Variants in FAM124A observed in about 807,000 individuals in gnomAD.
FAM124A encodes the protein protein FAM124A.
In FAM124A, 23 loss-of-function variants were observed where a neutral mutation model predicts 24.5. That is an observed-to-expected ratio of 0.94 (90% CI 0.68 to 1.33). The LOEUF (loss-of-function observed/expected upper bound fraction) is 1.33. FAM124A is among the 40% of genes most tolerant of loss of function. The pLI is 0.00. For missense variants in FAM124A, 623 were observed against 722.8 expected (o/e 0.86, Z 1.58); for synonymous variants, 287 against 314.7 (o/e 0.91, Z 0.93).
Position 51,281,400 on chromosome 13 carries a change from A to G in FAM124A, c.*144A>G, listed in dbSNP as rs893430357. ...GCACATTTGCCTACCACCCACTCTT[A>G]GCTGGGGGGTGGTATATCTCTAGAG... On this transcript the variant is annotated 3_prime_UTR_variant, in exon 4 of 4. Transcript: ENST00000322475. The G allele has an allele frequency of 8.3e-6, 6 of 720,306 alleles. No individual in the cohort carries two copies. Among genetic ancestry groups the G allele is most frequent in the Non-Finnish European group, 1.3e-5 (6 of 463,094 alleles). The allele number at this position is 720,306 out of a possible 1,614,324, so 44.6% of individuals were successfully genotyped here. A position where few individuals can be genotyped will look rare whatever the true frequency, so the allele number is the denominator to read the frequency against.
chr13:51,273,994 A>C (rs1250865728), intron 3 of FAM124A, among the ~76,000 whole-genome samples: 1 of 152,240 alleles, frequency 6.6e-6, no homozygotes, highest in African/African-American at 2.4e-5. Flanking sequence ...ACTTATACAA[A>C]GAGAAAGCTT....
intron 3 of FAM124A, chr13:51,253,362 A>G (rs1052478712): frequency 6.6e-6 from 1 of 152,236 alleles, no homozygotes; most frequent in Non-Finnish European, 1.5e-5. Context: ...CAGAAAGGTC[A>G]CCTTGAGATA....
At chr13:51,225,499 C>T (rs9535619) in intron 1 of FAM124A, 48,823 of 152,060 alleles carry the variant, frequency 0.32, 9,172 homozygotes, top group Non-Finnish European at 0.42. Context: ...TATATTTAAA[C>T]GCCCAGTCAA....
intron 3 of FAM124A, among the ~76,000 whole-genome samples, chr13:51,279,293 C>T (rs1463611176): frequency 6.6e-6 from 1 of 152,184 alleles, no homozygotes; most frequent in Non-Finnish European, 1.5e-5. Flanking sequence ...CCAGCTGTGA[C>T]ACCTCTTAGG....
rs775794907 is a variant in FAM124A, at chr13:51,280,448, A to G, written c.835-2A>G. 6.3e-7 allele frequency: 1 copy of G among 1,583,874 alleles called. No individual in the cohort carries two copies. Among genetic ancestry groups the G allele is most frequent in the Admixed American group, 1.8e-5 (1 of 56,380 alleles). ...TAATGTGATCTGCCTCTCCCCCCACAGGCACAAAGGGTGCATAAGAAGTTT... is the reference window on the plus strand; with the variant it reads ...TAATGTGATCTGCCTCTCCCCCCACGGGCACAAAGGGTGCATAAGAAGTTT... On this transcript the variant is annotated splice_acceptor_variant, in intron 3 of 3. Transcript: ENST00000322475. LOFTEE classifies it high-confidence loss of function.
chr13:51,227,139 T>G (rs1007092191), intron 1 of FAM124A: 2 of 152,244 alleles, frequency 1.3e-5, no homozygotes, highest in African/African-American at 4.8e-5. Flanking sequence ...TTCAAACTCA[T>G]CACAATAGAT....
At position 51,273,494 on chromosome 13, in the gene FAM124A, A is replaced by G. The variant is rs78557350; in HGVS notation, c.835-6956A>G. Among the ~76,000 whole-genome samples, 585 of 152,302 alleles carry G rather than the reference A, an allele frequency of 3.8e-3. 2 individuals carry two copies. Among genetic ancestry groups the G allele is most frequent in the African/African-American group, 0.013 (558 of 41,562 alleles). ...TGCTATGTTGCCCAGGCCGGTCTCAAACTCCTGAGCTTAAGCGATCCTTCC... is the reference window on the plus strand; with the variant it reads ...TGCTATGTTGCCCAGGCCGGTCTCAGACTCCTGAGCTTAAGCGATCCTTCC... On this transcript the variant is annotated intron_variant, in intron 3 of 3. Coordinates refer to ENST00000322475, the MANE Select transcript of FAM124A (RefSeq NM_001242312.2).
intron 3 of FAM124A, among the ~76,000 whole-genome samples, chr13:51,279,629 A>G (rs1404934072): frequency 6.6e-6 from 1 of 152,130 alleles, no homozygotes; most frequent in East Asian, 1.9e-4. Context: ...AGTTCTGCAC[A>G]ACAGAAACGG....
chr13:51,249,270 T>C lies in FAM124A; in HGVS notation c.101-2198T>C, dbSNP rs59987540. On this transcript the variant is annotated intron_variant, in intron 2 of 3. Coordinates refer to ENST00000322475, the MANE Select transcript of FAM124A (RefSeq NM_001242312.2). Reference sequence around the variant, plus strand: ...GCAGAGCCCTCCTTCTTTTGTCATATGTAGTAAGTTGGAATTGCTCTATGC... The same window carrying C: ...GCAGAGCCCTCCTTCTTTTGTCATACGTAGTAAGTTGGAATTGCTCTATGC... Among the ~76,000 whole-genome samples, 436 of 152,348 alleles carry C rather than the reference T, an allele frequency of 2.9e-3. 4 individuals carry two copies. The highest frequency in any genetic ancestry group is 0.01 in the African/African-American group (426 of 41,586).
chr13:51,281,045 G>A lies in FAM124A; in HGVS notation c.1430G>A (p.Trp477Ter), dbSNP rs1954931863. 1.2e-6 allele frequency: 2 copies of A among 1,614,060 alleles called. No individual in the cohort carries two copies. The highest frequency in any genetic ancestry group is 2.7e-5 in the African/African-American group (2 of 75,004). ...AGCAGGGTGACCACAGAGGCCTCCTGGGCTTCCCTCCCTTTCTTCACCAAA... is the reference window on the plus strand; with the variant it reads ...AGCAGGGTGACCACAGAGGCCTCCTAGGCTTCCCTCCCTTTCTTCACCAAA... ...TVSRVTTEASWASLPFFTKRS... is the reference protein window; with the variant it reads ...TVSRVTTEAS Residue 477 changes from tryptophan to a stop codon, truncating the protein, a stop_gained, in exon 4 of 4, where the codon TGG becomes TAG. Coordinates refer to ENST00000322475, the MANE Select transcript of FAM124A (RefSeq NM_001242312.2). LOFTEE classifies it low-confidence loss of function (END_TRUNC).
intron 1 of FAM124A, among the ~76,000 whole-genome samples, chr13:51,228,901 G>A (rs543743823): frequency 5.3e-5 from 8 of 152,150 alleles, no homozygotes; most frequent in Admixed American, 1.3e-4. Context: ...CCTCATTGCC[G>A]TGTGTTTTGT....
chr13:51,249,073 C>T (rs3990078), intron 2 of FAM124A, among the ~76,000 whole-genome samples: 126,225 of 152,092 alleles, frequency 0.83, 52,755 homozygotes, highest in South Asian at 0.9. Context: ...TTGCCATGTC[C>T]CAGAATTCCC....
At chr13:51,268,420 G>A (rs867546601) in intron 3 of FAM124A, among the ~76,000 whole-genome samples, 7 of 152,174 alleles carry the variant, frequency 4.6e-5, no homozygotes, top group East Asian at 1.9e-4. Context: ...AACAAAAAGC[G>A]TCTTTTATCT....
At chr13:51,224,567 C>G (rs187659695) in intron 1 of FAM124A, among the ~76,000 whole-genome samples, 6 of 152,284 alleles carry the variant, frequency 3.9e-5, no homozygotes, top group African/African-American at 1.4e-4. Context: ...TTGTGTTTGC[C>G]ATATATTCAC....
chr13:51,252,309 T>C, intron 3 of FAM124A, 108 bp downstream of exon 3: 76 of 1,379,262 alleles, frequency 5.5e-5, no homozygotes, highest in Middle Eastern at 1.9e-4. Context: ...GAAGGAGAGA[T>C]CAGTGACCCT....
At chr13:51,240,283 C>T (rs1231484192) in intron 2 of FAM124A, among the ~76,000 whole-genome samples, 2 of 152,202 alleles carry the variant, frequency 1.3e-5, no homozygotes, top group East Asian at 1.9e-4. Context: ...CTATTTTGCA[C>T]ATCACCTGAT....
Position 51,242,870 on chromosome 13 carries a change from C to T in FAM124A, c.101-8598C>T, listed in dbSNP as rs202107407. On this transcript the variant is annotated intron_variant, in intron 2 of 3. Coordinates refer to ENST00000322475, the MANE Select transcript of FAM124A (RefSeq NM_001242312.2). ...GCAAATCATAAAAAAAATGAGAGGG[C>T]GGTCGAATAACTGTTATAGCAAAGC... Among the ~76,000 whole-genome samples, 39 of 152,160 alleles carry T rather than the reference C, an allele frequency of 2.6e-4. 1 individual carries two copies. The highest frequency in any genetic ancestry group is 1.2e-3 in the East Asian group (6 of 5,186).
In FAM124A at chr13:51,280,627, G is replaced by A; in HGVS notation, c.1012G>A (p.Gly338Arg). 6.2e-7 allele frequency: 1 copy of A among 1,614,188 alleles called. No homozygotes were observed. Among genetic ancestry groups the A allele is most frequent in the Non-Finnish European group, 8.5e-7 (1 of 1,180,026 alleles). The change falls in exon 4 of 4, where the codon GGG becomes AGG. Residue 338 changes from glycine to arginine, a missense_variant. Physicochemically the swap from Gly to Arg is moderately radical, Grantham distance 125 (BLOSUM62 -2). Transcript: ENST00000322475. ...GCCCATCCGGACAGGCCTGCCTCCT[G>A]GGCACCAGCAGGAATTTGCCGGACG... is the stretch of plus-strand genomic sequence containing the variant. ...PGPIRTGLPP[G>R]HQQEFAGRAN...
intron 3 of FAM124A, among the ~76,000 whole-genome samples, chr13:51,274,512 G>A (rs1171059818): frequency 6.6e-6 from 1 of 152,078 alleles, no homozygotes; most frequent in Non-Finnish European, 1.5e-5. Flanking sequence ...CAACTACTCA[G>A]ATATTTTTTT....
Sources: gnomAD v4.1 joint callset for allele counts (sites outside exome capture counted in the v4.1 genomes callset) on GRCh38, gnomAD v4.1.1 for gene constraint, MANE v1.5 for transcripts, NCBI Gene and HGNC (gene_info 2026-07-23, HGNC 2026-07-21) for gene names.